The following CSMD1 variants were observed in gnomAD, a reference collection of about 807,000 sequenced individuals.
The protein encoded by CSMD1 is CUB and sushi domain-containing protein 1.
A neutral mutation model predicts 417.5 loss-of-function variants in CSMD1; 213 were observed. The ratio of observed to expected loss-of-function variants is 0.51; its 90% CI spans 0.46 to 0.57. CSMD1 has a LOEUF of 0.57. CSMD1 is among the 20% of genes least tolerant of loss of function. The pLI is 0.00. For synonymous variants in CSMD1, 2,862 were observed against 1,736.8 expected (o/e 1.65, Z -16.11); for missense variants, 6,923 against 4,529.7 (o/e 1.53, Z -15.17).
chr8:3,660,688 T>C (rs1422715460), intron 7 of CSMD1, among the ~76,000 whole-genome samples: 1 of 150,624 alleles, frequency 6.6e-6, no homozygotes, highest in Non-Finnish European at 1.5e-5. Context: ...ACCTGGCTAA[T>C]TTTTATATTT....
intron 11 of CSMD1, among the ~76,000 whole-genome samples, chr8:3,472,005 C>A (rs1035186253): frequency 1.3e-5 from 2 of 152,054 alleles, no homozygotes; most frequent in Non-Finnish European, 2.9e-5. Context: ...GTGTTCCCCA[C>A]TTTACACCCC....
At chr8:3,075,634 G>T (rs983043585) in intron 49 of CSMD1, among the ~76,000 whole-genome samples, 3 of 152,066 alleles carry the variant, frequency 2.0e-5, no homozygotes, top group African/African-American at 7.2e-5. Context: ...ATAGAGGTAT[G>T]ACAAAAACCT....
At chr8:4,570,479 T>G (rs1798832888) in intron 2 of CSMD1, among the ~76,000 whole-genome samples, 1 of 152,210 alleles carries the variant, frequency 6.6e-6, no homozygotes, top group African/African-American at 2.4e-5. Flanking sequence ...ATCCCAGGGA[T>G]GAAGCTGACT....
chr8:3,679,166 T>C (rs1299276698), intron 7 of CSMD1, among the ~76,000 whole-genome samples: 1 of 152,124 alleles, frequency 6.6e-6, no homozygotes, highest in African/African-American at 2.4e-5. Flanking sequence ...AATGACAGGA[T>C]CAAATTCACA....
chr8:3,297,190 G>A (rs1057117160), intron 25 of CSMD1, among the ~76,000 whole-genome samples: 1 of 152,028 alleles, frequency 6.6e-6, no homozygotes. Flanking sequence ...CTAAATAAAT[G>A]GAGAGGTATA....
At chr8:4,442,181 T>G (rs1798521658) in intron 2 of CSMD1, among the ~76,000 whole-genome samples, 1 of 152,194 alleles carries the variant, frequency 6.6e-6, no homozygotes, top group African/African-American at 2.4e-5. Context: ...GCAGGCAAAG[T>G]GACAATCTCC....
intron 3 of CSMD1, among the ~76,000 whole-genome samples, chr8:4,374,087 T>G (rs1802564648): frequency 6.6e-6 from 1 of 152,156 alleles, no homozygotes; most frequent in African/African-American, 2.4e-5. Context: ...GTGTATCATA[T>G]GTGACCGAAG....
intron 3 of CSMD1, among the ~76,000 whole-genome samples, chr8:4,351,152 C>G (rs1389903034): frequency 1.3e-5 from 2 of 148,694 alleles, no homozygotes; most frequent in Admixed American, 6.7e-5. Context: ...GGTCCCATCT[C>G]TAAAAAAAAA....
chr8:4,011,654 C>G (rs564518336), intron 4 of CSMD1, among the ~76,000 whole-genome samples: 95 of 152,138 alleles, frequency 6.2e-4, no homozygotes, highest in Non-Finnish European at 1.2e-3. Flanking sequence ...CTTTTCATTC[C>G]TACACTTCCT....
intron 1 of CSMD1, among the ~76,000 whole-genome samples, chr8:4,642,302 G>C (rs1460264839): frequency 6.6e-6 from 1 of 152,196 alleles, no homozygotes; most frequent in Non-Finnish European, 1.5e-5. Context: ...TACTTTGAAA[G>C]CCTGTCTCAG....
intron 3 of CSMD1, among the ~76,000 whole-genome samples, chr8:4,318,990 A>T (rs758136745): frequency 1.3e-5 from 2 of 152,228 alleles, no homozygotes; most frequent in Admixed American, 1.3e-4. Context: ...TCTTCATATT[A>T]AACAGCTTGA....
chr8:4,879,827 G>A (rs1226141218), intron 1 of CSMD1, among the ~76,000 whole-genome samples: 1 of 152,050 alleles, frequency 6.6e-6, no homozygotes, highest in Admixed American at 6.6e-5. Context: ...ATCATGTTGT[G>A]TAAGATAAAA....
intron 5 of CSMD1, among the ~76,000 whole-genome samples, chr8:3,936,783 T>A (rs1414376108): frequency 6.6e-6 from 1 of 152,174 alleles, no homozygotes; most frequent in Non-Finnish European, 1.5e-5. Context: ...ACTTTTGACT[T>A]TCAATTATTG....
chr8:4,479,558 G>A (rs1051564193), intron 2 of CSMD1, among the ~76,000 whole-genome samples: 2 of 152,052 alleles, frequency 1.3e-5, no homozygotes, highest in Non-Finnish European at 1.5e-5. Context: ...CACTTCCAGA[G>A]CACAAATAAC....
At chr8:3,456,247 G>C (rs35872231) in intron 12 of CSMD1, among the ~76,000 whole-genome samples, 45,287 of 151,906 alleles carry the variant, frequency 0.3, 8,179 homozygotes, top group East Asian at 0.56. Context: ...TTCCCTGACC[G>C]CTTGCTCTTC....
At chr8:4,025,652 A>T (rs996155197) in intron 4 of CSMD1, among the ~76,000 whole-genome samples, 1 of 152,196 alleles carries the variant, frequency 6.6e-6, no homozygotes, top group Non-Finnish European at 1.5e-5. Flanking sequence ...GTGAATTAAG[A>T]AAGACACAGA....
intron 36 of CSMD1, among the ~76,000 whole-genome samples, chr8:3,182,621 TGTGTGTGTGTGTA>T (rs1821422423): frequency 1.7e-5 from 1 of 60,606 alleles, no homozygotes; most frequent in African/African-American, 4.1e-5. Context: ...TGTGTGTGTG[TGTGTGTGTGTGTA>T]TTGTTAGTAG....
intron 3 of CSMD1, among the ~76,000 whole-genome samples, chr8:4,322,973 A>T (rs946248572): frequency 1.3e-5 from 2 of 152,258 alleles, no homozygotes; most frequent in African/African-American, 4.8e-5. Flanking sequence ...TGACAGAGCG[A>T]GACTCCGTCT....
intron 6 of CSMD1, among the ~76,000 whole-genome samples, chr8:3,742,958 A>C (rs1222267442): frequency 6.6e-6 from 1 of 152,206 alleles, no homozygotes; most frequent in African/African-American, 2.4e-5. Context: ...ACAGGATACC[A>C]CGAGGCACAG....
Sources: gnomAD v4.1 joint callset for allele counts (sites outside exome capture counted in the v4.1 genomes callset) on GRCh38, gnomAD v4.1.1 for gene constraint, MANE v1.5 for transcripts, NCBI Gene and HGNC (gene_info 2026-07-23, HGNC 2026-07-21) for gene names.